Variants in RBMY1F observed in about 807,000 individuals in gnomAD.
RBMY1F encodes RNA binding motif protein Y-linked family 1 member F, also known as RNA-binding motif protein, Y chromosome, family 1 member F/J.
rs1415960532 is a variant in RBMY1F at position 22,169,626 on chromosome Y, GA to G, written c.1104-9del. The stretch of plus-strand genomic sequence containing the variant: ...CCGTAGCCATCATGATAACTAAATT[GA>G]AAAAAAAAAAGTCTTTTCAATTTCA... On this transcript the variant is annotated splice_polypyrimidine_tract_variant and intron_variant, in intron 10 of 11. Transcript: ENST00000303766. 9.6e-5 allele frequency: 12 copies of G among 124,375 alleles called. No homozygotes were observed. Among genetic ancestry groups the G allele is most frequent in the Non-Finnish European group, 8.7e-5 (10 of 115,033 alleles). 31.0% of individuals were successfully genotyped at this position (124,375 alleles called of 400,897 possible). A position where few individuals can be genotyped will look rare whatever the true frequency, so the allele number is the denominator to read the frequency against.
chrY:22,180,881 T>G lies in RBMY1F; in HGVS notation c.89A>C (p.Lys30Thr). The change falls in exon 2 of 12, where the codon AAA becomes ACA. Residue 30 changes from lysine (K) to threonine (T), a missense_variant. Coordinates refer to ENST00000303766, the MANE Select transcript of RBMY1F (RefSeq NM_152585.3). ...NEKMLKAVFG[K>T]HGPISEVLLI... ...GTTACCTTCTGATATGGGACCATGT[T>G]TCCCAAATACTGCTTTAAGCATCTT... The G allele has an allele frequency of 1.1e-5, 1 of 91,763 alleles. No individual in the cohort carries two copies. Among genetic ancestry groups the G allele is most frequent in the Admixed American group, 2.2e-4 (1 of 4,462 alleles). The allele number at this position is 91,763 out of a possible 400,897, so 22.9% of individuals were successfully genotyped here.
Sources: gnomAD v4.1 joint callset for allele counts on GRCh38, gnomAD v4.1.1 for gene constraint, MANE v1.5 for transcripts, NCBI Gene and HGNC (gene_info 2026-07-23, HGNC 2026-07-21) for gene names.